Variants in ADAMTS2 observed in about 807,000 individuals in gnomAD.
ADAMTS2 encodes the protein A disintegrin and metalloproteinase with thrombospondin motifs 2.
Under a neutral mutation model 123.0 loss-of-function variants are expected in ADAMTS2, and 50 were observed. The observed-to-expected ratio is 0.41, with a 90% confidence interval of 0.32 to 0.51. The LOEUF is 0.51. ADAMTS2 is among the 20% of genes least tolerant of loss of function. The pLI is 0.35. For synonymous variants in ADAMTS2, 678 were observed against 695.4 expected, an observed-to-expected ratio of 0.98 and a Z score of 0.39; for missense variants, 1,494 against 1,705.2, an observed-to-expected ratio of 0.88 and a Z score of 2.18.
chr5:179,333,608 T>G (rs935891944), intron 2 of ADAMTS2, among the ~76,000 whole-genome samples: 21 of 148,646 alleles, frequency 1.4e-4, no homozygotes, highest in East Asian at 3.9e-4. Context: ...TTTTTTTTTT[T>G]TTTTTTTTTT....
At chr5:179,237,684 A>C (rs1765562823) in intron 3 of ADAMTS2, among the ~76,000 whole-genome samples, 1 of 152,170 alleles carries the variant, frequency 6.6e-6, no homozygotes, top group African/African-American at 2.4e-5. Context: ...TGAGGACGGA[A>C]TTAAAGGAGA....
intron 3 of ADAMTS2, among the ~76,000 whole-genome samples, chr5:179,223,614 TCA>T (rs1367074957): frequency 1.5e-4 from 21 of 139,380 alleles, no homozygotes; most frequent in African/African-American, 5.7e-4. Context: ...ACTCGCATAC[TCA>T]CATGCACACT....
intron 5 of ADAMTS2, among the ~76,000 whole-genome samples, chr5:179,161,517 T>C (rs1763591675): frequency 1.3e-5 from 2 of 151,872 alleles, no homozygotes; most frequent in African/African-American, 4.8e-5. Context: ...AAATAGAGAG[T>C]AGTTCCTGGA....
chr5:179,273,016 C>T lies in ADAMTS2; in HGVS notation c.583G>A (p.Glu195Lys). The T allele has an allele frequency of 6.2e-7, 1 of 1,613,580 alleles. No homozygotes were observed. Among genetic ancestry groups the T allele is most frequent in the South Asian group, 1.1e-5 (1 of 91,072 alleles). Residue 195 changes from glutamate (E) to lysine (K), a missense_variant, in exon 3 of 22, where the codon GAG becomes AAG. Around this residue, in one of 6 missense-constraint regions of ADAMTS2, gnomAD observed 184 missense variants for 152.1 expected, o/e 1.21. Transcript: ENST00000251582. ...GCCTCCTGCGCCGCCAGCCCCTTCT[C>T]CAAGGGTTCGATGAAGAACTCCTCC... ...EEEEFFIEPL[E>K]KGLAAQEAEQ...
chr5:179,190,284 C>T (rs1164773011), intron 4 of ADAMTS2, among the ~76,000 whole-genome samples: 3 of 151,984 alleles, frequency 2.0e-5, no homozygotes, highest in African/African-American at 4.8e-5. Flanking sequence ...GGATTAGGGG[C>T]AGCATGGAAA....
intron 2 of ADAMTS2, among the ~76,000 whole-genome samples, chr5:179,287,005 C>T (rs1756039208): frequency 6.6e-6 from 1 of 152,208 alleles, no homozygotes; most frequent in South Asian, 2.1e-4. Flanking sequence ...ATATCCTGAT[C>T]TACGGGAGTT....
rs767269775 is a variant in ADAMTS2, at chr5:179,130,400, T to C, written c.2291-302A>G. Among the ~76,000 whole-genome samples, 11 of 152,054 alleles carry C rather than the reference T, an allele frequency of 7.2e-5. No individual in the cohort carries two copies. Among genetic ancestry groups the C allele is most frequent in the Admixed American group, 1.3e-4 (2 of 15,274 alleles). ...GTCAAGGCCACCTACCCATACCCTA[T>C]TGGGAGCACTCAGTGGGCGCTTAGA... On this transcript the variant is annotated intron_variant, in intron 15 of 21. Coordinates refer to ENST00000251582, the MANE Select transcript of ADAMTS2 (RefSeq NM_014244.5). This position sits in a 1 kb window ranked among gnomAD's most constrained non-coding sequence, Gnocchi z 4.3.
chr5:179,256,993 C>T lies in ADAMTS2; in HGVS notation c.688+15918G>A, dbSNP rs879363848. On this transcript the variant is annotated intron_variant, in intron 3 of 21. Transcript: ENST00000251582. This position sits in a 1 kb window ranked among gnomAD's most constrained non-coding sequence, Gnocchi z 4.1. ...ACTCCGCAGGCCAGGCCCACACTGG[C>T]GGCCCCGGCTGCCTGGCCCATCACT... 3.3e-5 allele frequency among the ~76,000 whole-genome samples: 5 copies of T among 152,222 alleles called. No individual in the cohort carries two copies. The highest frequency in any genetic ancestry group is 1.9e-4 in the East Asian group (1 of 5,194).
chr5:179,173,823 C>G (rs1339656868), intron 5 of ADAMTS2, among the ~76,000 whole-genome samples: 1 of 152,114 alleles, frequency 6.6e-6, no homozygotes, highest in Non-Finnish European at 1.5e-5. Context: ...ACCAGCCTGG[C>G]CAACCTGGTG....
chr5:179,175,004 A>T lies in ADAMTS2; in HGVS notation c.975+6068T>A, dbSNP rs112114576. On this transcript the variant is annotated intron_variant, in intron 5 of 21. Transcript: ENST00000251582. This position sits in a 1 kb window ranked among gnomAD's most constrained non-coding sequence, Gnocchi z 4.1. ...TGACCGTTCATGTTCCTTTGGAGGA[A>T]GTCTCTTCCTTGCTTGGGTTCCGCA... 2.7e-5 allele frequency among the ~76,000 whole-genome samples: 4 copies of T among 146,340 alleles called. No homozygotes were observed. The highest frequency in any genetic ancestry group is 1.5e-5 in the Non-Finnish European group (1 of 66,684).
chr5:179,266,648 C>T (rs1046113433), intron 3 of ADAMTS2, among the ~76,000 whole-genome samples: 2 of 152,244 alleles, frequency 1.3e-5, no homozygotes, highest in Non-Finnish European at 2.9e-5. Context: ...TAACCTGGTA[C>T]AGCAGCCACA....
intron 4 of ADAMTS2, among the ~76,000 whole-genome samples, chr5:179,207,224 A>G (rs552294091): frequency 2.0e-5 from 3 of 152,338 alleles, no homozygotes; most frequent in Admixed American, 2.0e-4. Flanking sequence ...ACATTGAATG[A>G]CATTGTCATT....
In ADAMTS2 at chr5:179,180,449, C is replaced by T. The variant is rs1364136791; in HGVS notation, c.975+623G>A. 2.6e-5 allele frequency among the ~76,000 whole-genome samples: 4 copies of T among 152,278 alleles called. No homozygotes were observed. The highest frequency in any genetic ancestry group is 2.1e-4 in the South Asian group (1 of 4,816). On this transcript the variant is annotated intron_variant, in intron 5 of 21. Coordinates refer to ENST00000251582, the MANE Select transcript of ADAMTS2 (RefSeq NM_014244.5). This position sits in a 1 kb window ranked among gnomAD's most constrained non-coding sequence, Gnocchi z 4.6. Reference sequence around the variant, plus strand: ...CACGTGTTTCTGATGCTTTGACATCCGAGCCTTGCTGACTCTGGAGGGACT... The same window carrying T: ...CACGTGTTTCTGATGCTTTGACATCTGAGCCTTGCTGACTCTGGAGGGACT...
At chr5:179,179,243 G>A (rs1763995384) in intron 5 of ADAMTS2, among the ~76,000 whole-genome samples, 1 of 144,778 alleles carries the variant, frequency 6.9e-6, no homozygotes, top group African/African-American at 2.6e-5. Context: ...GACCATGCCT[G>A]GCCCCTAGTA....
At chr5:179,300,849 GACAGATAAA>G (rs1756495804) in intron 2 of ADAMTS2, among the ~76,000 whole-genome samples, 1 of 152,212 alleles carries the variant, frequency 6.6e-6, no homozygotes, top group South Asian at 2.1e-4. Flanking sequence ...CAAGCCAGCA[GACAGATAAA>G]CCGTTATGGC....
rs1205793369 is a variant in ADAMTS2, at chr5:179,312,805, C to T, written c.534+30962G>A. Among the ~76,000 whole-genome samples, 2 of 152,216 alleles carry T rather than the reference C, an allele frequency of 1.3e-5. No homozygotes were observed. Among genetic ancestry groups the T allele is most frequent in the Admixed American group, 6.5e-5 (1 of 15,286 alleles). On this transcript the variant is annotated intron_variant, in intron 2 of 21. Transcript: ENST00000251582. This position sits in a 1 kb window ranked among gnomAD's most constrained non-coding sequence, Gnocchi z 4.2. Reference sequence around the variant, plus strand: ...CCTAGAGGCTCCGGAGGGAGCGCGGCCCTGCCGCCACCTGCGTTTTGCCCT... The same window carrying T: ...CCTAGAGGCTCCGGAGGGAGCGCGGTCCTGCCGCCACCTGCGTTTTGCCCT...
At chr5:179,133,901 G>A (rs1373817767) in intron 13 of ADAMTS2, among the ~76,000 whole-genome samples, 1 of 150,590 alleles carries the variant, frequency 6.6e-6, no homozygotes. Flanking sequence ...TAGTAGAGAC[G>A]GGGTTTCACC....
intron 3 of ADAMTS2, among the ~76,000 whole-genome samples, chr5:179,226,345 C>T (rs1213863750): frequency 2.0e-5 from 3 of 150,462 alleles, no homozygotes; most frequent in Admixed American, 6.7e-5. Flanking sequence ...CAGCTCACTG[C>T]AACCACCGCC....
rs1315991906 is a variant in ADAMTS2, at chr5:179,117,462, A to G, written c.3179-3138T>C. 6.6e-6 allele frequency among the ~76,000 whole-genome samples: 1 copy of G among 152,172 alleles called. No homozygotes were observed. The highest frequency in any genetic ancestry group is 1.5e-5 in the Non-Finnish European group (1 of 68,032). On this transcript the variant is annotated intron_variant, in intron 21 of 21. Coordinates refer to ENST00000251582, the MANE Select transcript of ADAMTS2 (RefSeq NM_014244.5). This position sits in a 1 kb window ranked among gnomAD's most constrained non-coding sequence, Gnocchi z 4.2. ...AGCAGGAATCACATCAGCCTGGTAC[A>G]GTGGTGGGCCATCTACGGCTAGTGT...
Sources: allele counts gnomAD v4.1 joint callset (sites outside exome capture counted in the v4.1 genomes callset), GRCh38; gene constraint gnomAD v4.1.1; regional missense constraint gnomAD v4.1.1; non-coding constraint Gnocchi (gnomAD v3.1); transcripts MANE v1.5; gene names NCBI Gene and HGNC (gene_info 2026-07-23, HGNC 2026-07-21).